Variants in MEMO1 observed in about 807,000 individuals in gnomAD.
MEMO1 encodes the protein mediator of cell motility 1.
MEMO1 carries 6 observed loss-of-function variants against 45.2 expected under a neutral mutation model. That is an observed-to-expected ratio of 0.13 (90% CI 0.07 to 0.26). MEMO1 has a LOEUF of 0.26. Ranked by LOEUF, MEMO1 falls within the 10% of genes least tolerant of loss-of-function variation. The probability of loss-of-function intolerance (pLI) is 1.00; values close to 1 mark genes in which losing one functional copy is unlikely to be tolerated. For missense variants in MEMO1, 184 were observed against 370.5 expected, an observed-to-expected ratio of 0.50 and a Z score of 4.13; for synonymous variants, 78 against 124.3, an observed-to-expected ratio of 0.63 and a Z score of 2.48.
At chr2:31,916,908 A>G (rs757146928) in intron 6 of MEMO1, among the ~76,000 whole-genome samples, 14 of 152,222 alleles carry the variant, frequency 9.2e-5, no homozygotes, top group Non-Finnish European at 1.8e-4. Context: ...AAAACTAAAC[A>G]GCAATAATTG....
chr2:31,925,838 C>A (rs926212903), intron 4 of MEMO1, among the ~76,000 whole-genome samples: 21 of 152,064 alleles, frequency 1.4e-4, no homozygotes, highest in African/African-American at 4.6e-4. Context: ...TTCATTAAAT[C>A]TTGACTCTCG....
intron 2 of MEMO1, among the ~76,000 whole-genome samples, chr2:31,980,152 C>T (rs1670471932): frequency 6.6e-6 from 1 of 152,066 alleles, no homozygotes; most frequent in African/African-American, 2.4e-5. Context: ...AAATATTTTG[C>T]CAGGCATGGT....
intron 2 of MEMO1, among the ~76,000 whole-genome samples, chr2:31,994,850 A>G (rs1672377426): frequency 6.6e-6 from 1 of 151,762 alleles, no homozygotes; most frequent in African/African-American, 2.4e-5. Context: ...CAGAAGGCTG[A>G]GGCAGGAGGA....
At chr2:31,881,495 T>TAAAAAAAAAA (rs34058748) in intron 8 of MEMO1, among the ~76,000 whole-genome samples, 1 of 68,430 alleles carries the variant, frequency 1.5e-5, no homozygotes, top group African/African-American at 6.0e-5. Context: ...AGCCTGTCTT[T>TAAAAAAAAAA]AAAAAAAAAA....
chr2:31,969,579 G>A (rs1411201052), intron 2 of MEMO1, among the ~76,000 whole-genome samples: 2 of 100,766 alleles, frequency 2.0e-5, no homozygotes, highest in African/African-American at 8.1e-5. Flanking sequence ...CTGGGGGTGT[G>A]TGTGTGGGTG....
At chr2:31,920,461 T>C (rs943036704) in intron 5 of MEMO1, among the ~76,000 whole-genome samples, 7 of 152,114 alleles carry the variant, frequency 4.6e-5, no homozygotes, top group Non-Finnish European at 7.4e-5. Flanking sequence ...TGGAAGTAAA[T>C]TAACACGCCC....
rs775618103 is a variant in MEMO1 at position 31,868,449 on chromosome 2, G to A, written c.806C>T (p.Ser269Leu). 7 of 1,603,146 alleles carry A rather than the reference G, an allele frequency of 4.4e-6. No individual in the cohort carries two copies. The highest frequency in any genetic ancestry group is 2.3e-5 in the East Asian group (1 of 44,308). ...GCTCGACTGGGCATAATTCAAAAAC[G>A]AAAAACTCATATTCATTCCATTCTT... is the stretch of plus-strand genomic sequence containing the variant. Reference protein sequence around the residue: ...LQKNGMNMSFSFLNYAQSSQC... With the variant: ...LQKNGMNMSFLFLNYAQSSQC... Residue 269 changes from serine to leucine, a missense_variant, in exon 10 of 10, where the codon TCG becomes TTG. By Grantham distance (145) the Ser-to-Leu change is moderately radical. Coordinates refer to ENST00000404530, the MANE Select transcript of MEMO1 (RefSeq NM_001301833.4).
chr2:31,900,619 G>A (rs541764754), intron 6 of MEMO1, among the ~76,000 whole-genome samples: 35 of 151,882 alleles, frequency 2.3e-4, no homozygotes, highest in Non-Finnish European at 3.2e-4. Flanking sequence ...ACCATGGCAC[G>A]TGTATAACTA....
intron 2 of MEMO1, among the ~76,000 whole-genome samples, chr2:31,977,111 A>G (rs1670091728): frequency 6.6e-6 from 1 of 152,192 alleles, no homozygotes; most frequent in Admixed American, 6.5e-5. Context: ...GAAATAGAGA[A>G]GCAGAAGACG....
chr2:31,984,968 A>G (rs964242293), intron 2 of MEMO1, among the ~76,000 whole-genome samples: 3 of 152,248 alleles, frequency 2.0e-5, no homozygotes, highest in Admixed American at 1.3e-4. Flanking sequence ...ACAGTAGGGG[A>G]AAATCGGTGA....
chr2:31,971,799 A>C (rs1213568464), intron 2 of MEMO1, among the ~76,000 whole-genome samples: 1 of 151,980 alleles, frequency 6.6e-6, no homozygotes, highest in East Asian at 1.9e-4. Flanking sequence ...GTGAAACTCC[A>C]TCTCTACTAA....
chr2:31,920,447 T>C (rs1210552257), intron 5 of MEMO1, among the ~76,000 whole-genome samples: 4 of 152,164 alleles, frequency 2.6e-5, no homozygotes, highest in African/African-American at 9.6e-5. Context: ...AAAGTGGCGT[T>C]ACATGGAAGT....
At chr2:31,944,282 T>TA (rs1381595154) in intron 2 of MEMO1, among the ~76,000 whole-genome samples, 2 of 152,228 alleles carry the variant, frequency 1.3e-5, no homozygotes, top group South Asian at 2.1e-4. Context: ...ATCTTTAAGA[T>TA]AGAGAATTAA....
chr2:31,958,975 T>C (rs1003059053), intron 2 of MEMO1, among the ~76,000 whole-genome samples: 4 of 152,150 alleles, frequency 2.6e-5, no homozygotes, highest in Non-Finnish European at 4.4e-5. Flanking sequence ...AAAGTTAGAC[T>C]AGAACTGTGT....
At chr2:31,974,624 A>C (rs535199504) in intron 2 of MEMO1, among the ~76,000 whole-genome samples, 1 of 152,250 alleles carries the variant, frequency 6.6e-6, no homozygotes, top group Non-Finnish European at 1.5e-5. Context: ...ATGCACCTGT[A>C]GTCCCAGCTA....
chr2:31,955,927 C>T (rs762968004), intron 2 of MEMO1, among the ~76,000 whole-genome samples: 2 of 152,088 alleles, frequency 1.3e-5, no homozygotes, highest in African/African-American at 2.4e-5. Flanking sequence ...TATTTCAAAA[C>T]GCCCCAATAT....
chr2:31,873,144 T>G (rs1393117745), intron 8 of MEMO1, among the ~76,000 whole-genome samples: 4 of 152,182 alleles, frequency 2.6e-5, no homozygotes, highest in Non-Finnish European at 1.5e-5. Context: ...ATATGATCAG[T>G]AAGTCTAAAG....
chr2:32,007,218 T>C (rs1363698989), intron 2 of MEMO1, among the ~76,000 whole-genome samples: 1 of 152,156 alleles, frequency 6.6e-6, no homozygotes, highest in East Asian at 1.9e-4. Flanking sequence ...CTATTTACAT[T>C]TACCTGCCTC....
intron 2 of MEMO1, among the ~76,000 whole-genome samples, chr2:31,955,294 C>T (rs1667287093): frequency 6.6e-6 from 1 of 152,076 alleles, no homozygotes; most frequent in Admixed American, 6.5e-5. Flanking sequence ...CTAACAGACT[C>T]CTGGAAGGTT....
Sources: gnomAD v4.1 joint callset for allele counts (sites outside exome capture counted in the v4.1 genomes callset) on GRCh38, gnomAD v4.1.1 for gene constraint, MANE v1.5 for transcripts, NCBI Gene and HGNC (gene_info 2026-07-23, HGNC 2026-07-21) for gene names.